Variants in SYDE2 observed in about 807,000 individuals in gnomAD.
The protein encoded by SYDE2 is synapse defective Rho GTPase homolog 2, also known as rho GTPase-activating protein SYDE2.
In SYDE2, 76 loss-of-function variants were observed where a neutral mutation model predicts 91.5. That is an observed-to-expected ratio of 0.83 (90% CI 0.69 to 1.01). The LOEUF (loss-of-function observed/expected upper bound fraction) is 1.01, where lower values mean the gene tolerates loss of function less well. Ranked by LOEUF, SYDE2 falls within the 50% of genes least tolerant of loss-of-function variation. SYDE2 has a pLI of 0.00. For missense variants in SYDE2, 1,364 were observed against 1,367.7 expected, an observed-to-expected ratio of 1.00 and a Z score of 0.04; for synonymous variants, 513 against 506.4, an observed-to-expected ratio of 1.01 and a Z score of -0.18.
At chr1:85,176,781 TGGG>T (rs1472162545) in intron 4 of SYDE2, among the ~76,000 whole-genome samples, 3 of 152,118 alleles carry the variant, frequency 2.0e-5, no homozygotes, top group South Asian at 4.1e-4. Flanking sequence ...AAGAAGCAAA[TGGG>T]GGGATGAATG....
chr1:85,200,211 A>C, intron 1 of SYDE2, 41 bp downstream of exon 1: 1 of 1,612,998 alleles, frequency 6.2e-7, no homozygotes, highest in Non-Finnish European at 8.5e-7. Flanking sequence ...GGTAAACAGT[A>C]AGGCTCGCGG....
chr1:85,158,885 T>G lies in SYDE2; in HGVS notation c.3450A>C (p.Thr1150=), dbSNP rs766207248. 1 of 780,544 alleles carries G rather than the reference T, an allele frequency of 1.3e-6. No homozygotes were observed. The highest frequency in any genetic ancestry group is 1.3e-5 in the South Asian group (1 of 74,476). The allele number at this position is 780,544 out of a possible 1,614,324, so 48.4% of individuals were successfully genotyped here. A position where few individuals can be genotyped will look rare whatever the true frequency, so the allele number is the denominator to read the frequency against. ...IPMSKECTFQ[T]YLTMQTVEST... ...ACTCAACTGTCTGCATTGTCAAATATGTCTGAAATGTACACTCTTTGGACA... is the reference window on the plus strand; with the variant it reads ...ACTCAACTGTCTGCATTGTCAAATAGGTCTGAAATGTACACTCTTTGGACA... The change falls in exon 7 of 7, where the codon ACA becomes ACC. Residue 1150 remains threonine, a synonymous_variant. Transcript: ENST00000341460.
At chr1:85,181,005 C>T (rs77039882) in intron 3 of SYDE2, among the ~76,000 whole-genome samples, 7,183 of 152,126 alleles carry the variant, frequency 0.047, 260 homozygotes, top group East Asian at 0.17. Flanking sequence ...GCCTCACTCA[C>T]ACAAAGACAA....
chr1:85,164,156 C>T (rs76724353), intron 6 of SYDE2, among the ~76,000 whole-genome samples: 1 of 152,286 alleles, frequency 6.6e-6, no homozygotes, highest in Admixed American at 6.5e-5. Flanking sequence ...ATTACATACA[C>T]AATTTTTAAA....
At chr1:85,198,802 A>G (rs1658697299) in intron 1 of SYDE2, among the ~76,000 whole-genome samples, 1 of 93,280 alleles carries the variant, frequency 1.1e-5, no homozygotes, top group South Asian at 4.1e-4. Context: ...GTTAAAACTA[A>G]GCCAAAGGGG....
chr1:85,199,819 C>T (rs1453199257), intron 1 of SYDE2, among the ~76,000 whole-genome samples: 2 of 151,600 alleles, frequency 1.3e-5, no homozygotes, highest in Non-Finnish European at 2.9e-5. Flanking sequence ...GTTTATGAAG[C>T]CTATAAAATC....
Position 85,182,300 on chromosome 1 carries a change from T to C in SYDE2, c.2342A>G (p.Lys781Arg), listed in dbSNP as rs557795160. The change falls in exon 3 of 7, where the codon AAA becomes AGA. Residue 781 changes from lysine (K) to arginine (R), a missense_variant. Lys to Arg is a conservative substitution (Grantham distance 26). Transcript: ENST00000341460. ...ATAAATAAGACCTCTAGGTTCAAGT[T>C]TGACAGCCAACTGATGAGTCTTTGT... ...RVTKTHQLAV[K>R]LEPRGLIYVK... The C allele has an allele frequency of 2.5e-5, 40 of 1,613,790 alleles. No individual in the cohort carries two copies. In the East Asian group the frequency reaches 5.1e-4, roughly 21 times the overall value.
chr1:85,174,606 T>C (rs1485549266), intron 4 of SYDE2, among the ~76,000 whole-genome samples: 1 of 152,202 alleles, frequency 6.6e-6, no homozygotes, highest in Non-Finnish European at 1.5e-5. Flanking sequence ...AAGGTAGAGC[T>C]ACAAATTACT....
chr1:85,197,645 T>TTTTA (rs756290989), intron 1 of SYDE2, among the ~76,000 whole-genome samples: 108 of 152,136 alleles, frequency 7.1e-4, no homozygotes, highest in South Asian at 2.9e-3. Context: ...CTTTTTTAAA[T>TTTTA]TTTATTTATT....
At chr1:85,156,692 T>C (rs1238745947), downstream of SYDE2, among the ~76,000 whole-genome samples, 1 of 152,072 alleles carries the variant, frequency 6.6e-6, no homozygotes, top group Non-Finnish European at 1.5e-5. Flanking sequence ...TATAGTAATA[T>C]AGTAATACAA....
chr1:85,156,678 A>ATAATATAG (rs1344573527), downstream of SYDE2, among the ~76,000 whole-genome samples: 1 of 152,170 alleles, frequency 6.6e-6, no homozygotes, highest in African/African-American at 2.4e-5. Context: ...CTCATCCAAA[A>ATAATATAG]TAATATAGTA....
chr1:85,199,832 C>A (rs1183845099), intron 1 of SYDE2, among the ~76,000 whole-genome samples: 1 of 151,826 alleles, frequency 6.6e-6, no homozygotes, highest in Admixed American at 6.6e-5. Flanking sequence ...ATAAAATCTA[C>A]CTTGAATCAA....
intron 3 of SYDE2, chr1:85,181,647 T>C (rs1384146658): frequency 6.6e-6 from 1 of 152,654 alleles, no homozygotes. Context: ...ATATTTCAGA[T>C]TTTATAATAT....
intron 4 of SYDE2, among the ~76,000 whole-genome samples, chr1:85,169,832 C>T (rs1192097927): frequency 1.3e-5 from 2 of 152,062 alleles, no homozygotes; most frequent in Non-Finnish European, 1.5e-5. Flanking sequence ...AAACATCAGA[C>T]GTGTCACTAT....
At chr1:85,175,322 A>C (rs1570246657) in intron 4 of SYDE2, among the ~76,000 whole-genome samples, 1 of 152,270 alleles carries the variant, frequency 6.6e-6, no homozygotes, top group South Asian at 2.1e-4. Flanking sequence ...CAACACGGTG[A>C]AACCCTGTTT....
chr1:85,199,486 CTAATT>C (rs1658725856), intron 1 of SYDE2, among the ~76,000 whole-genome samples: 1 of 152,132 alleles, frequency 6.6e-6, no homozygotes, highest in African/African-American at 2.4e-5. Context: ...TTTTAAAAAA[CTAATT>C]TACTTCTCTT....
intron 2 of SYDE2, among the ~76,000 whole-genome samples, chr1:85,185,211 A>T (rs1658085023): frequency 6.8e-6 from 1 of 147,764 alleles, no homozygotes; most frequent in South Asian, 2.1e-4. Flanking sequence ...AAATGTAAAT[A>T]TTTAATATTT....
At chr1:85,198,646 ATATT>A (rs984878199) in intron 1 of SYDE2, among the ~76,000 whole-genome samples, 4 of 152,240 alleles carry the variant, frequency 2.6e-5, no homozygotes, top group African/African-American at 9.6e-5. Flanking sequence ...TAAAGGAACT[ATATT>A]TATTACTTTA....
At chr1:85,165,410 G>C (rs868618038) in intron 5 of SYDE2, among the ~76,000 whole-genome samples, 28 of 152,184 alleles carry the variant, frequency 1.8e-4, no homozygotes, top group African/African-American at 6.5e-4. Flanking sequence ...AAGGGGATTA[G>C]GGTAAGAATG....
Sources: allele counts gnomAD v4.1 joint callset (sites outside exome capture counted in the v4.1 genomes callset), GRCh38; gene constraint gnomAD v4.1.1; transcripts MANE v1.5; gene names NCBI Gene and HGNC (gene_info 2026-07-23, HGNC 2026-07-21).